The following MAPK8 variants were observed in gnomAD, a reference collection of about 807,000 sequenced individuals.
MAPK8 encodes mitogen-activated protein kinase 8, also known as JUN N-terminal kinase.
In MAPK8, 13 loss-of-function variants were observed where a neutral mutation model predicts 52.9. The observed-to-expected ratio is 0.25, with a 90% CI of 0.16 to 0.39. MAPK8 has a LOEUF of 0.39. Ranked by LOEUF, MAPK8 falls within the 10% of genes least tolerant of loss-of-function variation. The probability of loss-of-function intolerance (pLI) is 1.00; values close to 1 mark genes in which losing one functional copy is unlikely to be tolerated. For synonymous variants in MAPK8, 191 were observed against 169.8 expected (o/e 1.12, Z -0.97); for missense variants, 300 against 519.2 (o/e 0.58, Z 4.10).
intron 5 of MAPK8, among the ~76,000 whole-genome samples, chr10:48,415,839 T>C (rs1435029477): frequency 1.3e-5 from 2 of 152,206 alleles, no homozygotes; most frequent in Non-Finnish European, 1.5e-5. Context: ...CACAGTTGTA[T>C]TGGGATATTC....
chr10:48,427,287 A>T (rs1397730784), intron 10 of MAPK8, 144 bp downstream of exon 10: 1 of 540,700 alleles, frequency 1.8e-6, no homozygotes, highest in Non-Finnish European at 3.3e-6. Flanking sequence ...ATAAGTAGAA[A>T]GTAAGTCTGC....
intron 1 of MAPK8, among the ~76,000 whole-genome samples, chr10:48,393,508 A>G (rs1165953635): frequency 6.6e-6 from 1 of 152,128 alleles, no homozygotes; most frequent in East Asian, 1.9e-4. Flanking sequence ...ACATCAGACA[A>G]AATGTGAATA....
intron 1 of MAPK8, among the ~76,000 whole-genome samples, chr10:48,370,686 G>C (rs1013899281): frequency 3.3e-5 from 5 of 152,118 alleles, no homozygotes; most frequent in African/African-American, 1.2e-4. Flanking sequence ...TGCCTGCATT[G>C]CTGGAAGAAT....
At position 48,324,850 on chromosome 10, in the gene MAPK8, G is replaced by A. The variant is rs373989866; in HGVS notation, c.-50+18029G>A. Among the ~76,000 whole-genome samples the A allele has an allele frequency of 6.6e-5, 10 of 152,114 alleles. No individual in the cohort carries two copies. The East Asian group carries it at 1.2e-3, about 18-fold the overall frequency. ...ACAATCAGCAGATCAGTGAGATGACGTTTTGGTTCCCTTTGAATATCCTGT... is the reference window on the plus strand; with the variant it reads ...ACAATCAGCAGATCAGTGAGATGACATTTTGGTTCCCTTTGAATATCCTGT... On this transcript the variant is annotated intron_variant, in intron 1 of 11. Coordinates refer to ENST00000374189, the MANE Select transcript of MAPK8 (RefSeq NM_001323329.2).
chr10:48,350,631 C>G (rs1214224984), intron 1 of MAPK8, among the ~76,000 whole-genome samples: 1 of 152,182 alleles, frequency 6.6e-6, no homozygotes, highest in Non-Finnish European at 1.5e-5. Context: ...ATAGTAAAAG[C>G]TGTTTATGAC....
chr10:48,381,540 G>T (rs1219989439), intron 1 of MAPK8, among the ~76,000 whole-genome samples: 2 of 151,986 alleles, frequency 1.3e-5, no homozygotes, highest in African/African-American at 4.8e-5. Context: ...TAGTTAACTG[G>T]TTTATGTCTG....
intron 1 of MAPK8, among the ~76,000 whole-genome samples, chr10:48,308,534 TAAATA>T (rs1226433883): frequency 6.6e-6 from 1 of 151,926 alleles, no homozygotes; most frequent in Non-Finnish European, 1.5e-5. Flanking sequence ...TTTAATATGA[TAAATA>T]AAGTAGGTTG....
Position 48,339,058 on chromosome 10 carries a change from T to C in MAPK8, c.-50+32237T>C, listed in dbSNP as rs561538097. ...AATTCCTATCAAATTACCAATGTGA[T>C]TTTTTTTCACAGAATTAGAAAAGAC... On this transcript the variant is annotated intron_variant, in intron 1 of 11. Transcript: ENST00000374189. Among the ~76,000 whole-genome samples, 16 of 152,048 alleles carry C rather than the reference T, an allele frequency of 1.1e-4. No homozygotes were observed. The East Asian group carries it at 2.9e-3, about 27-fold the overall frequency.
intron 1 of MAPK8, among the ~76,000 whole-genome samples, chr10:48,319,522 C>G (rs952612330): frequency 6.6e-6 from 1 of 152,102 alleles, no homozygotes; most frequent in Non-Finnish European, 1.5e-5. Context: ...TGACGTCTTG[C>G]TCTGTTGCCC....
At chr10:48,310,008 T>G (rs1841816510) in intron 1 of MAPK8, among the ~76,000 whole-genome samples, 2 of 152,208 alleles carry the variant, frequency 1.3e-5, no homozygotes, top group South Asian at 4.1e-4. Context: ...ATTCTTACTC[T>G]TAATGCAGGT....
intron 6 of MAPK8, among the ~76,000 whole-genome samples, chr10:48,421,165 G>A (rs1040772295): frequency 1.3e-5 from 2 of 152,092 alleles, no homozygotes; most frequent in Admixed American, 1.3e-4. Context: ...AGTTCATTTT[G>A]AATCAGGAAA....
intron 1 of MAPK8, among the ~76,000 whole-genome samples, chr10:48,311,333 T>G (rs554252904): frequency 1.3e-5 from 2 of 152,242 alleles, no homozygotes; most frequent in African/African-American, 2.4e-5. Flanking sequence ...GGGGTTTATT[T>G]AAAATTCGAT....
intron 1 of MAPK8, among the ~76,000 whole-genome samples, chr10:48,335,642 A>AT (rs1366250279): frequency 6.6e-6 from 1 of 152,194 alleles, no homozygotes; most frequent in African/African-American, 2.4e-5. Flanking sequence ...CCTAGCCCAA[A>AT]TAACATAGTT....
At chr10:48,321,562 A>G in intron 1 of MAPK8, among the ~76,000 whole-genome samples, 1 of 152,126 alleles carries the variant, frequency 6.6e-6, no homozygotes, top group Non-Finnish European at 1.5e-5. Context: ...TGCTTTTGGA[A>G]TCTTTTATAA....
chr10:48,308,752 T>G (rs1215436519), intron 1 of MAPK8, among the ~76,000 whole-genome samples: 7 of 152,228 alleles, frequency 4.6e-5, no homozygotes, highest in Non-Finnish European at 1.0e-4. Flanking sequence ...AATGTTTTAT[T>G]AGAAATATTT....
At chr10:48,408,994 C>CT (rs2042607828) in intron 3 of MAPK8, among the ~76,000 whole-genome samples, 1 of 152,190 alleles carries the variant, frequency 6.6e-6, no homozygotes, top group Non-Finnish European at 1.5e-5. Context: ...GCGCCCCACT[C>CT]TCATGACCTA....
At chr10:48,320,832 T>G (rs1026251517) in intron 1 of MAPK8, among the ~76,000 whole-genome samples, 3 of 152,164 alleles carry the variant, frequency 2.0e-5, no homozygotes, top group Non-Finnish European at 4.4e-5. Flanking sequence ...CCATTTTACA[T>G]TTCCACCAGC....
At chr10:48,389,402 A>G (rs2041501200) in intron 1 of MAPK8, among the ~76,000 whole-genome samples, 1 of 152,136 alleles carries the variant, frequency 6.6e-6, no homozygotes. Flanking sequence ...CTGCCTCTTG[A>G]AGAAGCACTT....
intron 7 of MAPK8, chr10:48,425,320 TTTTTA>T (rs2043613664): frequency 1.8e-6 from 1 of 567,378 alleles, no homozygotes; most frequent in Admixed American, 3.3e-5. Context: ...AACTGAATCT[TTTTTA>T]TAAGGGTCAG....
Sources: gnomAD v4.1 joint callset for allele counts (sites outside exome capture counted in the v4.1 genomes callset) on GRCh38, gnomAD v4.1.1 for gene constraint, MANE v1.5 for transcripts, NCBI Gene and HGNC (gene_info 2026-07-23, HGNC 2026-07-21) for gene names.